The following RORB variants were observed in gnomAD, a reference collection of about 807,000 sequenced individuals.
The protein encoded by RORB is nuclear receptor ROR-beta.
RORB carries 6 observed loss-of-function variants against 59.1 expected under a neutral mutation model. That is an observed-to-expected ratio of 0.10 (90% CI 0.06 to 0.20). The LOEUF (loss-of-function observed/expected upper bound fraction) is 0.20, where lower values mean the gene tolerates loss of function less well. RORB is among the 10% of genes least tolerant of loss of function. The probability of loss-of-function intolerance (pLI) is 1.00; values close to 1 mark genes in which losing one functional copy is unlikely to be tolerated. For missense variants in RORB, 320 were observed against 560.5 expected (o/e 0.57, Z 4.33); for synonymous variants, 215 against 204.5 (o/e 1.05, Z -0.44).
Position 74,523,768 on chromosome 9 carries a change from A to C in RORB, c.7+25785A>C, listed in dbSNP as rs1220249514. On this transcript the variant is annotated intron_variant, in intron 1 of 9. Transcript: ENST00000376896. ...ACTTTTTAAACTTGATTCTTTTAATAAGGATAAGTAATCTTTTGTTTCCTG... is the reference window on the plus strand; with the variant it reads ...ACTTTTTAAACTTGATTCTTTTAATCAGGATAAGTAATCTTTTGTTTCCTG... Among the ~76,000 whole-genome samples, 5 of 152,040 alleles carry C rather than the reference A, an allele frequency of 3.3e-5. No homozygotes were observed. The East Asian group carries it at 9.7e-4, about 30-fold the overall frequency.
rs570184968 is a variant in RORB, at chr9:74,576,988, C to T, written c.8-53294C>T. The stretch of plus-strand genomic sequence containing the variant: ...AGGCAGTCTGGATGCAGAAATAATG[C>T]TCTACCCCGTCAACATTGCCTCCAA... On this transcript the variant is annotated intron_variant, in intron 1 of 9. Transcript: ENST00000376896. 1.5e-4 allele frequency among the ~76,000 whole-genome samples: 23 copies of T among 152,216 alleles called. No homozygotes were observed. In the South Asian group the frequency reaches 4.8e-3, roughly 32 times the overall value.
intron 1 of RORB, among the ~76,000 whole-genome samples, chr9:74,572,157 C>T (rs542032862): frequency 2.0e-5 from 3 of 152,198 alleles, no homozygotes; most frequent in East Asian, 1.9e-4. Flanking sequence ...AAAGCTCCAT[C>T]GTTCTGTCTC....
intron 1 of RORB, among the ~76,000 whole-genome samples, chr9:74,568,614 C>T (rs570744849): frequency 2.7e-5 from 4 of 150,058 alleles, no homozygotes; most frequent in Non-Finnish European, 5.9e-5. Flanking sequence ...GCAGGAGAAT[C>T]ACTTGAACCC....
At chr9:74,617,394 CAG>C (rs942122241) in intron 1 of RORB, among the ~76,000 whole-genome samples, 2 of 152,134 alleles carry the variant, frequency 1.3e-5, no homozygotes, top group African/African-American at 4.8e-5. Flanking sequence ...GGCAATTATA[CAG>C]AGTGATGTTG....
At chr9:74,575,011 T>A (rs1208015200) in intron 1 of RORB, among the ~76,000 whole-genome samples, 8 of 151,992 alleles carry the variant, frequency 5.3e-5, no homozygotes, top group Admixed American at 5.2e-4. Flanking sequence ...TAAATAACTA[T>A]AAGAAATTGA....
chr9:74,534,099 A>G (rs1464330141), intron 1 of RORB, among the ~76,000 whole-genome samples: 1 of 152,034 alleles, frequency 6.6e-6, no homozygotes, highest in East Asian at 1.9e-4. Flanking sequence ...CTTCTATTTC[A>G]TAATTATCTT....
chr9:74,598,174 G>T (rs1261735132), intron 1 of RORB, among the ~76,000 whole-genome samples: 3 of 152,006 alleles, frequency 2.0e-5, no homozygotes, highest in Non-Finnish European at 2.9e-5. Context: ...CGTGTCAATT[G>T]CCCATCAACC....
intron 1 of RORB, among the ~76,000 whole-genome samples, chr9:74,508,221 A>C (rs1411878405): frequency 6.6e-6 from 1 of 151,976 alleles, no homozygotes; most frequent in Non-Finnish European, 1.5e-5. Context: ...AAATTATCCC[A>C]AGGACAACTC....
intron 1 of RORB, among the ~76,000 whole-genome samples, chr9:74,550,335 C>A (rs1435456524): frequency 2.0e-5 from 3 of 152,088 alleles, no homozygotes. Context: ...ACTTTTTCAG[C>A]CCTAAATGAC....
chr9:74,657,211 A>ATTT (rs1824098470), intron 4 of RORB, among the ~76,000 whole-genome samples: 1 of 151,794 alleles, frequency 6.6e-6, no homozygotes, highest in African/African-American at 2.4e-5. Context: ...ATGCCCAGCT[A>ATTT]ATTTATTTAT....
At chr9:74,596,331 C>G (rs1413006165) in intron 1 of RORB, among the ~76,000 whole-genome samples, 1 of 152,160 alleles carries the variant, frequency 6.6e-6, no homozygotes, top group East Asian at 1.9e-4. Flanking sequence ...GGGTCACCAT[C>G]AGCACAGTCA....
chr9:74,592,745 C>T (rs1394031593), intron 1 of RORB, among the ~76,000 whole-genome samples: 1 of 151,818 alleles, frequency 6.6e-6, no homozygotes, highest in African/African-American at 2.4e-5. Context: ...TTTTGCAAAA[C>T]CAAAAAGAAA....
intron 1 of RORB, 100 bp downstream of exon 1, chr9:74,498,083 G>T (rs1825738759): frequency 1.4e-6 from 2 of 1,388,896 alleles, no homozygotes; most frequent in South Asian, 1.2e-5. Flanking sequence ...AGGGAAAGAG[G>T]TTGCCCAGGC....
At chr9:74,636,487 G>A (rs987037761) in intron 3 of RORB, among the ~76,000 whole-genome samples, 2 of 152,130 alleles carry the variant, frequency 1.3e-5, no homozygotes, top group African/African-American at 2.4e-5. Context: ...AATTTAGACG[G>A]TCTGAATCCC....
At chr9:74,548,092 A>G (rs1826530020) in intron 1 of RORB, among the ~76,000 whole-genome samples, 1 of 152,188 alleles carries the variant, frequency 6.6e-6, no homozygotes, top group Admixed American at 6.5e-5. Context: ...GAGTGTGAGA[A>G]AGCACTCAAA....
chr9:74,656,467 G>A (rs1824082768), intron 4 of RORB, among the ~76,000 whole-genome samples: 1 of 152,202 alleles, frequency 6.6e-6, no homozygotes, highest in African/African-American at 2.4e-5. Context: ...CGGGCATGGT[G>A]GCTCACGCCT....
intron 2 of RORB, among the ~76,000 whole-genome samples, chr9:74,631,611 GAAGAA>G (rs1476908130): frequency 1.3e-5 from 2 of 152,142 alleles, no homozygotes; most frequent in East Asian, 1.9e-4. Context: ...AAACTGGAGT[GAAGAA>G]AAGAAAAGGA....
chr9:74,545,655 G>C (rs185976483), intron 1 of RORB, among the ~76,000 whole-genome samples: 2 of 152,320 alleles, frequency 1.3e-5, no homozygotes, highest in African/African-American at 4.8e-5. Context: ...AATCTGATTA[G>C]GCTGGGGAAA....
At chr9:74,613,378 C>G (rs1393332321) in intron 1 of RORB, among the ~76,000 whole-genome samples, 1 of 152,144 alleles carries the variant, frequency 6.6e-6, no homozygotes, top group Non-Finnish European at 1.5e-5. Context: ...CTAATCATAA[C>G]AAATACCTAA....
Sources: allele counts gnomAD v4.1 joint callset (sites outside exome capture counted in the v4.1 genomes callset), GRCh38; gene constraint gnomAD v4.1.1; transcripts MANE v1.5; gene names NCBI Gene and HGNC (gene_info 2026-07-23, HGNC 2026-07-21).